KCNB2: variants seen among roughly 807,000 people sequenced by gnomAD.
The protein encoded by KCNB2 is potassium voltage-gated channel subfamily B member 2, also known as delayed rectifier potassium channel protein.
KCNB2 carries 15 observed loss-of-function variants against 61.5 expected under a neutral mutation model. The observed-to-expected ratio is 0.24, with a 90% confidence interval of 0.16 to 0.38. The LOEUF is 0.38. Ranked by LOEUF, KCNB2 falls within the 10% of genes least tolerant of loss-of-function variation. The probability of loss-of-function intolerance (pLI) is 1.00; values close to 1 mark genes in which losing one functional copy is unlikely to be tolerated. For missense variants in KCNB2, 828 were observed against 1,125.2 expected, an observed-to-expected ratio of 0.74 and a Z score of 3.78; for synonymous variants, 457 against 446.0, an observed-to-expected ratio of 1.02 and a Z score of -0.31.
intron 2 of KCNB2, among the ~76,000 whole-genome samples, chr8:72,659,698 C>T (rs1483600325): frequency 1.3e-5 from 2 of 152,162 alleles, no homozygotes; most frequent in African/African-American, 4.8e-5. Context: ...TCATAGCCAC[C>T]ACCCTGATCA....
chr8:72,637,583 G>A (rs1306087393), intron 2 of KCNB2, among the ~76,000 whole-genome samples: 1 of 152,108 alleles, frequency 6.6e-6, no homozygotes, highest in Non-Finnish European at 1.5e-5. Flanking sequence ...TGCTCATGCA[G>A]CGAAGATACG....
intron 2 of KCNB2, among the ~76,000 whole-genome samples, chr8:72,862,222 G>A (rs1290987669): frequency 6.6e-6 from 1 of 152,100 alleles, no homozygotes; most frequent in Non-Finnish European, 1.5e-5. Context: ...GAAACTCAAA[G>A]AAACTTGTAA....
intron 2 of KCNB2, chr8:72,749,472 GT>G: frequency 6.6e-6 from 1 of 151,894 alleles, no homozygotes; most frequent in East Asian, 1.9e-4. Flanking sequence ...TGGTGAATGT[GT>G]TTTTATGATA....
chr8:72,597,285 C>T (rs1253554259), intron 2 of KCNB2, among the ~76,000 whole-genome samples: 1 of 152,044 alleles, frequency 6.6e-6, no homozygotes, highest in Non-Finnish European at 1.5e-5. Flanking sequence ...CTGCCCACCT[C>T]GGCCTTCCAA....
chr8:72,565,172 G>A (rs1806605597), intron 1 of KCNB2, among the ~76,000 whole-genome samples: 1 of 151,836 alleles, frequency 6.6e-6, no homozygotes, highest in Non-Finnish European at 1.5e-5. Context: ...AAATATTCCT[G>A]TAACTCTGTA....
chr8:72,641,858 G>A (rs758782311), intron 2 of KCNB2, among the ~76,000 whole-genome samples: 5 of 152,122 alleles, frequency 3.3e-5, no homozygotes, highest in African/African-American at 7.2e-5. Flanking sequence ...GATAAGTGAG[G>A]AGCTAGATGG....
At chr8:72,912,394 C>G (rs1021337308) in intron 2 of KCNB2, among the ~76,000 whole-genome samples, 6 of 151,524 alleles carry the variant, frequency 4.0e-5, no homozygotes, top group Admixed American at 2.0e-4. Context: ...ACATTCATAG[C>G]CTTTATGAGA....
At chr8:72,708,714 G>A (rs1367308944) in intron 2 of KCNB2, among the ~76,000 whole-genome samples, 1 of 152,176 alleles carries the variant, frequency 6.6e-6, no homozygotes, top group African/African-American at 2.4e-5. Flanking sequence ...ATGCAGACTT[G>A]TTTTATGTCA....
intron 2 of KCNB2, among the ~76,000 whole-genome samples, chr8:72,761,366 A>G (rs954445235): frequency 6.6e-6 from 1 of 152,186 alleles, no homozygotes; most frequent in Non-Finnish European, 1.5e-5. Context: ...AACAAAATAC[A>G]GCCTTGAGCT....
At chr8:72,571,548 G>A (rs1415974009) in intron 2 of KCNB2, among the ~76,000 whole-genome samples, 4 of 152,042 alleles carry the variant, frequency 2.6e-5, no homozygotes, top group Non-Finnish European at 5.9e-5. Flanking sequence ...TAGTTCTCTG[G>A]GATATGGTGT....
At chr8:72,630,277 A>C (rs1326946321) in intron 2 of KCNB2, among the ~76,000 whole-genome samples, 2 of 152,140 alleles carry the variant, frequency 1.3e-5, no homozygotes, top group African/African-American at 4.8e-5. Context: ...TCTTCAAGCA[A>C]ATTTTTTTTT....
intron 2 of KCNB2, among the ~76,000 whole-genome samples, chr8:72,859,849 A>C (rs1810271119): frequency 6.6e-6 from 1 of 150,486 alleles, no homozygotes; most frequent in African/African-American, 2.5e-5. Context: ...CCTCCAGAGT[A>C]GCTGGGATTA....
At chr8:72,546,516 CAA>C (rs35073549) in intron 1 of KCNB2, among the ~76,000 whole-genome samples, 33 of 117,226 alleles carry the variant, frequency 2.8e-4, no homozygotes, top group Admixed American at 4.5e-4. Context: ...GACTCTGTGT[CAA>C]AAAAAAAAAA....
intron 2 of KCNB2, among the ~76,000 whole-genome samples, chr8:72,911,415 A>C (rs980773370): frequency 3.9e-5 from 6 of 152,242 alleles, no homozygotes; most frequent in African/African-American, 7.2e-5. Flanking sequence ...ACTCCTATAC[A>C]CACATGCACA....
intron 2 of KCNB2, among the ~76,000 whole-genome samples, chr8:72,726,385 G>C (rs1807649768): frequency 6.6e-6 from 1 of 152,124 alleles, no homozygotes; most frequent in South Asian, 2.1e-4. Flanking sequence ...TTTTGTTACG[G>C]CAACCCATGC....
At chr8:72,604,303 A>G (rs1309983555) in intron 2 of KCNB2, among the ~76,000 whole-genome samples, 1 of 152,206 alleles carries the variant, frequency 6.6e-6, no homozygotes, top group Admixed American at 6.5e-5. Flanking sequence ...ACTTATGCGT[A>G]TGAATCCTTC....
chr8:72,863,746 A>C (rs961493942), intron 2 of KCNB2, among the ~76,000 whole-genome samples: 4 of 152,260 alleles, frequency 2.6e-5, no homozygotes, highest in African/African-American at 7.2e-5. Flanking sequence ...ATGGTGGCTT[A>C]TGCCTATAAT....
chr8:72,908,382 C>G (rs1806220717), intron 2 of KCNB2, among the ~76,000 whole-genome samples: 1 of 152,110 alleles, frequency 6.6e-6, no homozygotes, highest in African/African-American at 2.4e-5. Flanking sequence ...TTACTATTAT[C>G]TATCTCCCCA....
Position 72,783,355 on chromosome 8 carries a change from C to T in KCNB2, c.580-152580C>T, listed in dbSNP as rs572933010. Among the ~76,000 whole-genome samples, 75 of 152,280 alleles carry T rather than the reference C, an allele frequency of 4.9e-4. 1 individual carries two copies. The highest frequency in any genetic ancestry group is 1.3e-4 in the Non-Finnish European group (9 of 68,008). ...CTACAAGGTCTTGCAAGACTGACCT[C>T]AGGTTCCCTCTCTCCAGACTTTTTT... On this transcript the variant is annotated intron_variant, in intron 2 of 2. Transcript: ENST00000523207.
Sources: gnomAD v4.1 joint callset for allele counts (sites outside exome capture counted in the v4.1 genomes callset) on GRCh38, gnomAD v4.1.1 for gene constraint, MANE v1.5 for transcripts, NCBI Gene and HGNC (gene_info 2026-07-23, HGNC 2026-07-21) for gene names.